The following DPYSL2 variants were observed in gnomAD, a reference collection of about 807,000 sequenced individuals.
The protein encoded by DPYSL2 is dihydropyrimidinase-related protein 2.
A neutral mutation model predicts 69.9 loss-of-function variants in DPYSL2; 13 were observed. The observed-to-expected ratio is 0.19, with a 90% CI of 0.12 to 0.30. The LOEUF (loss-of-function observed/expected upper bound fraction) is 0.30. Among genes scored for constraint, DPYSL2 ranks in the 10% least tolerant of loss-of-function variants. The pLI is 1.00. For synonymous variants in DPYSL2, 326 were observed against 359.1 expected, an observed-to-expected ratio of 0.91 and a Z score of 1.04; for missense variants, 587 against 918.9, an observed-to-expected ratio of 0.64 and a Z score of 4.67.
intron 3 of DPYSL2, among the ~76,000 whole-genome samples, chr8:26,601,578 C>T (rs996748746): frequency 6.6e-5 from 10 of 152,008 alleles, no homozygotes; most frequent in African/African-American, 1.9e-4. Flanking sequence ...GGGGTTTCAC[C>T]GTTTTAGCCA....
chr8:26,604,184 C>G (rs1802056838), intron 3 of DPYSL2, among the ~76,000 whole-genome samples: 1 of 152,136 alleles, frequency 6.6e-6, no homozygotes, highest in Non-Finnish European at 1.5e-5. Flanking sequence ...AAAAGTGAAC[C>G]CTTTAAAGCA....
intron 1 of DPYSL2, among the ~76,000 whole-genome samples, chr8:26,522,308 A>AAAACAAACAAAC (rs60448291): frequency 4.9e-4 from 74 of 151,322 alleles, no homozygotes; most frequent in African/African-American, 1.6e-3. Flanking sequence ...ACTCTGTCTC[A>AAAACAAACAAAC]AAACAAACAA....
chr8:26,564,863 A>G lies in DPYSL2; in HGVS notation c.355-17106A>G, dbSNP rs984465285. ...TGAAGTCTGAGATTTTAGTGCACCC[A>G]TCACCCAAGGAGTGTACATTGTACC... is the stretch of plus-strand genomic sequence containing the variant. On this transcript the variant is annotated intron_variant, in intron 1 of 13. Coordinates refer to ENST00000521913, the MANE Select transcript of DPYSL2 (RefSeq NM_001197293.3). This position sits in a 1 kb window ranked among gnomAD's most constrained non-coding sequence, Gnocchi z 4.8. 1.3e-5 allele frequency among the ~76,000 whole-genome samples: 2 copies of G among 152,182 alleles called. No homozygotes were observed. The highest frequency in any genetic ancestry group is 2.9e-5 in the Non-Finnish European group (2 of 68,034).
At chr8:26,629,595 C>T (rs1802695821) in intron 7 of DPYSL2, among the ~76,000 whole-genome samples, 1 of 152,118 alleles carries the variant, frequency 6.6e-6, no homozygotes, top group South Asian at 2.1e-4. Context: ...GGCACAGGCC[C>T]GAGGATGAGG....
intron 3 of DPYSL2, among the ~76,000 whole-genome samples, chr8:26,594,121 G>T (rs772985948): frequency 5.9e-5 from 9 of 152,154 alleles, no homozygotes; most frequent in Non-Finnish European, 1.0e-4. Context: ...AGTGCTTTCT[G>T]TCTGAGCGTG....
intron 1 of DPYSL2, among the ~76,000 whole-genome samples, chr8:26,552,271 G>A (rs928231506): frequency 3.9e-5 from 6 of 152,062 alleles, no homozygotes; most frequent in Admixed American, 1.3e-4. Context: ...ACCATTAAAC[G>A]CATATATTAG....
Position 26,537,396 on chromosome 8 carries a change from T to A in DPYSL2, c.354+22717T>A, listed in dbSNP as rs1406422807. Among the ~76,000 whole-genome samples, 6 of 152,316 alleles carry A rather than the reference T, an allele frequency of 3.9e-5. No homozygotes were observed. The East Asian group carries it at 1.2e-3, about 29-fold the overall frequency. ...CCCAAACTCCAGTCATTTGCTAGTT[T>A]TTGTCATATCTACCTATAACGTTTG... On this transcript the variant is annotated intron_variant, in intron 1 of 13. Coordinates refer to ENST00000521913, the MANE Select transcript of DPYSL2 (RefSeq NM_001197293.3).
Position 26,624,405 on chromosome 8 carries a change from A to C in DPYSL2, c.793+98A>C, listed in dbSNP as rs1044150715. ...GAAAGTGATAATGCTTCCAGATCCC[A>C]TTTGTGCCTCATGCCCATGCCTGCC... is the stretch of plus-strand genomic sequence containing the variant. On this transcript the variant is annotated intron_variant, in intron 4 of 13. Transcript: ENST00000521913. The surrounding 1 kb of genome is among the most constrained non-coding windows in gnomAD (Gnocchi z 4.7). The C allele has an allele frequency of 1.4e-5, 21 of 1,458,976 alleles. No homozygotes were observed. Among genetic ancestry groups the C allele is most frequent in the African/African-American group, 2.8e-5 (2 of 71,794 alleles). 90.4% of individuals were successfully genotyped at this position (1,458,976 alleles called of 1,614,324 possible).
chr8:26,567,791 G>A (rs1162966636), intron 1 of DPYSL2, among the ~76,000 whole-genome samples: 1 of 152,232 alleles, frequency 6.6e-6, no homozygotes, highest in African/African-American at 2.4e-5. Context: ...GGTGCCCCCG[G>A]TGAGGTAGTG....
In DPYSL2 at chr8:26,516,359, C is replaced by T. The variant is rs1468038368; in HGVS notation, c.354+1680C>T. 6.6e-6 allele frequency among the ~76,000 whole-genome samples: 1 copy of T among 152,190 alleles called. No individual in the cohort carries two copies. The highest frequency in any genetic ancestry group is 1.5e-5 in the Non-Finnish European group (1 of 68,040). ...TTGAGTGAGGGCCAAAATCATATAG[C>T]ATCTTGGTTGAGTGAGTAGCCTCAT... On this transcript the variant is annotated intron_variant, in intron 1 of 13. Coordinates refer to ENST00000521913, the MANE Select transcript of DPYSL2 (RefSeq NM_001197293.3). The surrounding 1 kb of genome is among the most constrained non-coding windows in gnomAD (Gnocchi z 4.8).
chr8:26,568,373 A>G (rs1032219058), intron 1 of DPYSL2, among the ~76,000 whole-genome samples: 3 of 152,144 alleles, frequency 2.0e-5, no homozygotes, highest in African/African-American at 7.2e-5. Flanking sequence ...GGGACTGTGT[A>G]TGGGGAACTT....
At chr8:26,630,704 G>GT (rs1233041083) in intron 7 of DPYSL2, among the ~76,000 whole-genome samples, 1 of 152,220 alleles carries the variant, frequency 6.6e-6, no homozygotes, top group Non-Finnish European at 1.5e-5. Flanking sequence ...CTGTGCTGCA[G>GT]TGGGCTCCTT....
intron 4 of DPYSL2, among the ~76,000 whole-genome samples, chr8:26,625,519 G>A (rs10441614): frequency 0.012 from 1,889 of 152,258 alleles, 56 homozygotes; most frequent in African/African-American, 0.043. Context: ...CCAAGGCTGC[G>A]AGGTTGTCAG....
chr8:26,622,448 ATGTGTGTGTGTG>A (rs10606826), intron 3 of DPYSL2, among the ~76,000 whole-genome samples: 1 of 142,644 alleles, frequency 7.0e-6, no homozygotes, highest in African/African-American at 2.6e-5. Flanking sequence ...GCCATATTGT[ATGTGTGTGTGTG>A]TGTGTGTGTG....
Position 26,564,921 on chromosome 8 carries a change from T to C in DPYSL2, c.355-17048T>C, listed in dbSNP as rs2129672262. On this transcript the variant is annotated intron_variant, in intron 1 of 13. Transcript: ENST00000521913. This position sits in a 1 kb window ranked among gnomAD's most constrained non-coding sequence, Gnocchi z 4.8. ...TAGTTTTTTTTTATGCCTAGCCCCA[T>C]TCCCACCCTCCTTCTTCTGAGTCTC... Among the ~76,000 whole-genome samples, 1 of 151,994 alleles carries C rather than the reference T, an allele frequency of 6.6e-6. No individual in the cohort carries two copies. Among genetic ancestry groups the C allele is most frequent in the South Asian group, 2.1e-4 (1 of 4,772 alleles).
chr8:26,607,423 C>T (rs1222353919), intron 3 of DPYSL2, among the ~76,000 whole-genome samples: 2 of 149,446 alleles, frequency 1.3e-5, no homozygotes, highest in African/African-American at 2.5e-5. Flanking sequence ...GTGGAGGTTA[C>T]AGTGAGCTGA....
At chr8:26,590,954 C>T (rs1217363518) in intron 3 of DPYSL2, among the ~76,000 whole-genome samples, 1 of 152,234 alleles carries the variant, frequency 6.6e-6, no homozygotes, top group Admixed American at 6.5e-5. Context: ...GAAGCAAGGG[C>T]ATCCCCAAGT....
chr8:26,539,420 C>T (rs540413055), intron 1 of DPYSL2, among the ~76,000 whole-genome samples: 3 of 152,172 alleles, frequency 2.0e-5, no homozygotes, highest in African/African-American at 4.8e-5. Flanking sequence ...TTTTAGCATA[C>T]GTTGTGCACT....
intron 1 of DPYSL2, chr8:26,578,338 T>C: frequency 1.2e-6 from 2 of 1,613,712 alleles, no homozygotes; most frequent in Non-Finnish European, 1.7e-6. Flanking sequence ...AGCCACCTTT[T>C]GTAGCACAGA....
Sources: allele counts gnomAD v4.1 joint callset (sites outside exome capture counted in the v4.1 genomes callset), GRCh38; gene constraint gnomAD v4.1.1; non-coding constraint Gnocchi (gnomAD v3.1); transcripts MANE v1.5; gene names NCBI Gene and HGNC (gene_info 2026-07-23, HGNC 2026-07-21).